Variants in TMEM117 observed in about 807,000 individuals in gnomAD.
TMEM117 encodes the protein transmembrane protein 117.
In TMEM117, 27 loss-of-function variants were observed where a neutral mutation model predicts 52.4. The ratio of observed to expected loss-of-function variants is 0.51; its 90% CI spans 0.38 to 0.71. The LOEUF (loss-of-function observed/expected upper bound fraction) is 0.71, where lower values mean the gene tolerates loss of function less well. Among genes scored for constraint, TMEM117 ranks in the 30% least tolerant of loss-of-function variants. TMEM117 has a pLI of 0.00. For missense variants in TMEM117, 556 were observed against 630.5 expected (o/e 0.88, Z 1.26); for synonymous variants, 215 against 206.3 (o/e 1.04, Z -0.36).
intron 5 of TMEM117, chr12:44,263,533 A>G (rs1950344601): frequency 6.6e-6 from 1 of 152,258 alleles, no homozygotes; most frequent in African/African-American, 2.4e-5. Flanking sequence ...CCATAAAGAC[A>G]CAAGCACATG....
chr12:44,339,876 A>G (rs1951393670), intron 6 of TMEM117, among the ~76,000 whole-genome samples: 1 of 151,894 alleles, frequency 6.6e-6, no homozygotes, highest in African/African-American at 2.4e-5. Flanking sequence ...ATATTAATAT[A>G]TCCAAATCAA....
chr12:43,916,405 T>C (rs1441019941), intron 2 of TMEM117, among the ~76,000 whole-genome samples: 2 of 152,216 alleles, frequency 1.3e-5, no homozygotes, highest in Admixed American at 6.5e-5. Context: ...AGTTTTCTTA[T>C]GGATATATGT....
At chr12:44,136,302 A>C (rs1011498903) in intron 3 of TMEM117, among the ~76,000 whole-genome samples, 21 of 152,202 alleles carry the variant, frequency 1.4e-4, no homozygotes, top group African/African-American at 5.1e-4. Flanking sequence ...GTATTTGTTT[A>C]CTTCATTAGA....
chr12:44,353,514 TG>T (rs1951597975), intron 6 of TMEM117, among the ~76,000 whole-genome samples: 1 of 151,522 alleles, frequency 6.6e-6, no homozygotes, highest in South Asian at 2.1e-4. Context: ...TTTCTACATA[TG>T]GCTAGCCAGT....
chr12:44,156,347 A>T (rs180997252), intron 4 of TMEM117, among the ~76,000 whole-genome samples: 2 of 152,186 alleles, frequency 1.3e-5, no homozygotes, highest in African/African-American at 4.8e-5. Context: ...TAAATCTCTT[A>T]AGCAGTTTAT....
intron 4 of TMEM117, among the ~76,000 whole-genome samples, chr12:44,149,851 A>G (rs1183199209): frequency 6.6e-6 from 1 of 152,236 alleles, no homozygotes. Flanking sequence ...TAGCACTTGA[A>G]ATAAAGTAGC....
rs190006129 is a variant in TMEM117 at position 43,943,076 on chromosome 12, G to A, written c.278-1134G>A. Among the ~76,000 whole-genome samples the A allele has an allele frequency of 4.9e-3, 737 of 150,728 alleles. 5 individuals are homozygous for A. Among genetic ancestry groups the A allele is most frequent in the African/African-American group, 0.017 (710 of 41,180 alleles). ...GCCTGTAATCCCAGTTACCTGGGAG[G>A]CTGAGGCAGGGGAATCACTTGAACC... On this transcript the variant is annotated intron_variant, in intron 2 of 7. Transcript: ENST00000266534.
intron 3 of TMEM117, among the ~76,000 whole-genome samples, chr12:44,037,651 A>G (rs781087264): frequency 1.4e-4 from 22 of 152,136 alleles, no homozygotes; most frequent in Admixed American, 4.6e-4. Flanking sequence ...ATGGCCACCC[A>G]TGAACCAATT....
chr12:44,370,620 T>C (rs1798033), intron 6 of TMEM117, among the ~76,000 whole-genome samples: 29,876 of 150,970 alleles, frequency 0.2, 5,985 homozygotes, highest in African/African-American at 0.52. Flanking sequence ...TGGGTTCAAG[T>C]GATTCTTCTA....
At chr12:44,208,465 C>A (rs184358548) in intron 4 of TMEM117, among the ~76,000 whole-genome samples, 1 of 152,274 alleles carries the variant, frequency 6.6e-6, no homozygotes, top group East Asian at 1.9e-4. Flanking sequence ...ACACAGAAAC[C>A]TCATGGCATT....
At chr12:44,244,073 C>G (rs1337017283) in intron 5 of TMEM117, among the ~76,000 whole-genome samples, 5 of 151,936 alleles carry the variant, frequency 3.3e-5, no homozygotes, top group African/African-American at 1.2e-4. Flanking sequence ...GTGAATAATG[C>G]TACAGTAAAC....
intron 5 of TMEM117, among the ~76,000 whole-genome samples, chr12:44,273,102 T>A (rs1489634511): frequency 2.0e-5 from 3 of 152,080 alleles, no homozygotes; most frequent in Non-Finnish European, 4.4e-5. Flanking sequence ...ACCATCATTC[T>A]CAGCAAACTA....
chr12:44,216,005 C>CTTTTTTTT (rs778425747), intron 5 of TMEM117, among the ~76,000 whole-genome samples: 134 of 110,740 alleles, frequency 1.2e-3, no homozygotes, highest in East Asian at 2.2e-3. Flanking sequence ...TTCTTTCTTT[C>CTTTTTTTT]TTTTTTTTTT....
chr12:44,274,936 A>C (rs1950494443), intron 5 of TMEM117, among the ~76,000 whole-genome samples: 1 of 152,130 alleles, frequency 6.6e-6, no homozygotes, highest in Non-Finnish European at 1.5e-5. Flanking sequence ...AAGGCAACCA[A>C]AGGAAAAGTT....
intron 2 of TMEM117, among the ~76,000 whole-genome samples, chr12:43,900,396 A>G (rs7962590): frequency 0.35 from 53,583 of 152,042 alleles, 11,207 homozygotes; most frequent in Non-Finnish European, 0.48. Context: ...TCTTTATTAT[A>G]CTTGAAGAAA....
chr12:43,996,212 T>C (rs972034829), intron 3 of TMEM117, among the ~76,000 whole-genome samples: 1 of 152,230 alleles, frequency 6.6e-6, no homozygotes, highest in Non-Finnish European at 1.5e-5. Flanking sequence ...ATTAATGTTT[T>C]AGCGCATTTT....
rs142126790 is a variant in TMEM117, at chr12:44,196,649, C to CT, written c.511-14640dup. ...AAATATTTGGCTTTATTTTTAGACA[C>CT]TGAATGCTAAGTAGGATTTCTTTTT... On this transcript the variant is annotated intron_variant, in intron 4 of 7. Transcript: ENST00000266534. 3.5e-3 allele frequency among the ~76,000 whole-genome samples: 530 copies of CT among 152,280 alleles called. 3 individuals carry two copies. The highest frequency in any genetic ancestry group is 0.014 in the East Asian group (74 of 5,178).
chr12:44,231,918 A>T (rs1219042764), intron 5 of TMEM117, among the ~76,000 whole-genome samples: 1 of 151,596 alleles, frequency 6.6e-6, no homozygotes, highest in Non-Finnish European at 1.5e-5. Flanking sequence ...TTTGATGCAA[A>T]ATTGTCTGAT....
chr12:43,962,152 G>A (rs888322043), intron 3 of TMEM117, among the ~76,000 whole-genome samples: 3 of 152,074 alleles, frequency 2.0e-5, no homozygotes, highest in Admixed American at 6.5e-5. Flanking sequence ...CTCTTCTACC[G>A]TTCTGGTACC....
Sources: gnomAD v4.1 joint callset for allele counts (sites outside exome capture counted in the v4.1 genomes callset) on GRCh38, gnomAD v4.1.1 for gene constraint, MANE v1.5 for transcripts, NCBI Gene and HGNC (gene_info 2026-07-23, HGNC 2026-07-21) for gene names.